SHQ1: variants seen among roughly 807,000 people sequenced by gnomAD.
The protein encoded by SHQ1 is protein SHQ1 homolog.
In SHQ1, 49 loss-of-function variants were observed where a neutral mutation model predicts 53.8. The ratio of observed to expected loss-of-function variants is 0.91; its 90% confidence interval spans 0.72 to 1.16. The LOEUF (loss-of-function observed/expected upper bound fraction) is 1.16. Ranked by LOEUF, SHQ1 falls within the 50% of genes most tolerant of loss-of-function variation. SHQ1 has a pLI of 0.00. For synonymous variants in SHQ1, 243 were observed against 251.0 expected (o/e 0.97, Z 0.30); for missense variants, 738 against 683.1 (o/e 1.08, Z -0.90).
rs901477133 is a variant in SHQ1 at position 72,755,811 on chromosome 3, G to A, written c.1182-4975C>T. Among the ~76,000 whole-genome samples, 8 of 152,234 alleles carry A rather than the reference G, an allele frequency of 5.3e-5. No individual in the cohort carries two copies. The East Asian group carries it at 9.6e-4, about 18-fold the overall frequency. ...AGGTAGGTAGTAGTTTTTCTCTGTC[G>A]TACTCAAAACTGACTAGGCTAGTTC... On this transcript the variant is annotated intron_variant, in intron 10 of 10. Transcript: ENST00000325599.
At chr3:72,837,955 T>C (rs1708051439) in intron 4 of SHQ1, among the ~76,000 whole-genome samples, 1 of 130,548 alleles carries the variant, frequency 7.7e-6, no homozygotes, top group Non-Finnish European at 1.6e-5. Context: ...GGGCTTACAC[T>C]TGATTTCTAA....
chr3:72,757,381 C>CTTTT (rs779724149), intron 10 of SHQ1, among the ~76,000 whole-genome samples: 1 of 134,940 alleles, frequency 7.4e-6, no homozygotes, highest in Admixed American at 7.5e-5. Context: ...CTTCTCTTTC[C>CTTTT]TTTTTTTTTT....
chr3:72,799,418 C>T (rs1273980017), intron 9 of SHQ1, among the ~76,000 whole-genome samples: 1 of 151,884 alleles, frequency 6.6e-6, no homozygotes, highest in African/African-American at 2.4e-5. Flanking sequence ...GTCATTTGAC[C>T]ATAAAAAGAG....
At position 72,792,924 on chromosome 3, in the gene SHQ1, C is replaced by G; in HGVS notation, c.1173G>C (p.Gln391His). The G allele has an allele frequency of 2.5e-6, 4 of 1,600,780 alleles. No individual in the cohort carries two copies. Among genetic ancestry groups the G allele is most frequent in the Non-Finnish European group, 3.4e-6 (4 of 1,174,700 alleles). ...ACTCTATGAAAACTTACTTGACTTT[C>G]TGAATCCACACACAGTAGTCTGAGA... ...LYISDYCVWI[Q>H]KVKSKKLAAL... is the part of the protein sequence containing the mutation. The change falls in exon 10 of 11, where the codon CAG becomes CAC. Residue 391 changes from glutamine (Q) to histidine (H), a missense_variant. Coordinates refer to ENST00000325599, the MANE Select transcript of SHQ1 (RefSeq NM_018130.3).
rs532404058 is a variant in SHQ1, at chr3:72,799,165, A to T, written c.1061-6129T>A. 3.5e-3 allele frequency among the ~76,000 whole-genome samples: 531 copies of T among 152,072 alleles called. 3 individuals are homozygous for T. The highest frequency in any genetic ancestry group is 0.012 in the African/African-American group (498 of 41,482). On this transcript the variant is annotated intron_variant, in intron 9 of 10. Coordinates refer to ENST00000325599, the MANE Select transcript of SHQ1 (RefSeq NM_018130.3). ...GGACTCCATCTCTACAAAAAAAAAAATAATAATAATTTTAAAACAATAAGT... is the reference window on the plus strand; with the variant it reads ...GGACTCCATCTCTACAAAAAAAAAATTAATAATAATTTTAAAACAATAAGT...
downstream of SHQ1, among the ~76,000 whole-genome samples, chr3:72,745,936 A>G (rs533725199): frequency 2.0e-5 from 3 of 150,150 alleles, no homozygotes; most frequent in East Asian, 3.9e-4. Flanking sequence ...TCCGCCTCCC[A>G]GGTTCAAGTG....
chr3:72,727,969 C>A, the SHQ1 span, among the ~76,000 whole-genome samples: 1 of 152,162 alleles, frequency 6.6e-6, no homozygotes, highest in Non-Finnish European at 1.5e-5. Flanking sequence ...AAGAGCAAGC[C>A]GTGGAGTCCC....
chr3:72,828,487 G>A (rs1275819130), intron 5 of SHQ1, among the ~76,000 whole-genome samples: 1 of 152,156 alleles, frequency 6.6e-6, no homozygotes, highest in Admixed American at 6.5e-5. Flanking sequence ...TTGAGGTCAG[G>A]AGTTCAAGAC....
At chr3:72,823,700 C>T (rs1024425298) in intron 6 of SHQ1, among the ~76,000 whole-genome samples, 4 of 152,080 alleles carry the variant, frequency 2.6e-5, no homozygotes, top group South Asian at 2.1e-4. Flanking sequence ...TTTCTTAAAG[C>T]GACTGTTTAG....
At chr3:72,808,228 T>C (rs1272071125) in intron 9 of SHQ1, among the ~76,000 whole-genome samples, 1 of 151,924 alleles carries the variant, frequency 6.6e-6, no homozygotes, top group Non-Finnish European at 1.5e-5. Context: ...AATCACAACA[T>C]GTACAAAAAT....
At chr3:72,770,802 T>A (rs1246937759) in intron 10 of SHQ1, among the ~76,000 whole-genome samples, 1 of 152,192 alleles carries the variant, frequency 6.6e-6, no homozygotes, top group African/African-American at 2.4e-5. Context: ...GATGAAACCA[T>A]AGACCATGAA....
intron 9 of SHQ1, among the ~76,000 whole-genome samples, chr3:72,807,146 T>C (rs759216627): frequency 6.6e-6 from 1 of 152,184 alleles, no homozygotes; most frequent in Non-Finnish European, 1.5e-5. Flanking sequence ...GAGCTGAGAA[T>C]TAGAGGTCAA....
chr3:72,744,932 G>GA (rs1268243620), downstream of SHQ1, among the ~76,000 whole-genome samples: 11 of 144,796 alleles, frequency 7.6e-5, no homozygotes, highest in Non-Finnish European at 1.1e-4. Context: ...TTGGGGGGGG[G>GA]GGGTGGTTTC....
chr3:72,782,130 T>G (rs1189072734), intron 10 of SHQ1, among the ~76,000 whole-genome samples: 1 of 152,214 alleles, frequency 6.6e-6, no homozygotes, highest in Non-Finnish European at 1.5e-5. Context: ...AACAGAAGTA[T>G]AAAGCTCTTA....
chr3:72,840,462 A>G (rs1708144341), intron 4 of SHQ1, among the ~76,000 whole-genome samples: 2 of 151,676 alleles, frequency 1.3e-5, no homozygotes, highest in Admixed American at 1.3e-4. Flanking sequence ...AGGCTGAGGC[A>G]GAAGAATTGC....
chr3:72,779,852 A>G (rs1456195394), intron 10 of SHQ1, among the ~76,000 whole-genome samples: 1 of 152,256 alleles, frequency 6.6e-6, no homozygotes, highest in East Asian at 1.9e-4. Flanking sequence ...TGACCTATAC[A>G]GAAGATGGAA....
chr3:72,785,744 T>G lies in SHQ1; in HGVS notation c.1181+7172A>C, dbSNP rs142441061. Among the ~76,000 whole-genome samples, 68 of 152,358 alleles carry G rather than the reference T, an allele frequency of 4.5e-4. 1 individual carries two copies. The highest frequency in any genetic ancestry group is 1.6e-3 in the African/African-American group (66 of 41,590). ...TCCTTGTCTACTCATCTGCATGATG[T>G]TATTTTCCCAGCTTGAAATGCATCC... On this transcript the variant is annotated intron_variant, in intron 10 of 10. Transcript: ENST00000325599.
intron 10 of SHQ1, among the ~76,000 whole-genome samples, chr3:72,778,074 A>C (rs2106751653): frequency 6.6e-6 from 1 of 152,346 alleles, no homozygotes; most frequent in African/African-American, 2.4e-5. Flanking sequence ...TTGACATAAA[A>C]TTTAGAGTTG....
chr3:72,822,776 A>T lies in SHQ1; in HGVS notation c.727+1648T>A, dbSNP rs79265040. On this transcript the variant is annotated intron_variant, in intron 6 of 10. Coordinates refer to ENST00000325599, the MANE Select transcript of SHQ1 (RefSeq NM_018130.3). ...CTGAAAATTTGTCTATATATACATAATGTGAGAAGTCTCTGAAAGCTGCTT... is the reference window on the plus strand; with the variant it reads ...CTGAAAATTTGTCTATATATACATATTGTGAGAAGTCTCTGAAAGCTGCTT... Among the ~76,000 whole-genome samples, 3,249 of 152,334 alleles carry T rather than the reference A, an allele frequency of 0.021. 222 individuals are homozygous for T. In the East Asian group the frequency reaches 0.25, roughly 12 times the overall value.
Sources: allele counts gnomAD v4.1 joint callset (sites outside exome capture counted in the v4.1 genomes callset), GRCh38; gene constraint gnomAD v4.1.1; transcripts MANE v1.5; gene names NCBI Gene and HGNC (gene_info 2026-07-23, HGNC 2026-07-21).